The following SLC39A10 variants were observed in gnomAD, a reference collection of about 807,000 sequenced individuals.
SLC39A10 encodes solute carrier family 39 member 10.
In SLC39A10, 13 loss-of-function variants were observed where a neutral mutation model predicts 65.1. The ratio of observed to expected loss-of-function variants is 0.20; its 90% CI spans 0.13 to 0.32. SLC39A10 has a LOEUF of 0.32. Ranked by LOEUF, SLC39A10 falls within the 10% of genes least tolerant of loss-of-function variation. The pLI, the probability that SLC39A10 is intolerant of heterozygous loss-of-function variation, is 1.00. For synonymous variants in SLC39A10, 321 were observed against 342.2 expected, an observed-to-expected ratio of 0.94 and a Z score of 0.68; for missense variants, 831 against 1,018.4, an observed-to-expected ratio of 0.82 and a Z score of 2.50.
chr2:195,701,279 T>G (rs1032585213), intron 3 of SLC39A10, among the ~76,000 whole-genome samples: 3 of 151,548 alleles, frequency 2.0e-5, no homozygotes, highest in African/African-American at 7.3e-5. Context: ...TTGATTTATC[T>G]TTAGTTTTTC....
intron 1 of SLC39A10, among the ~76,000 whole-genome samples, chr2:195,663,048 T>G (rs1689468954): frequency 6.6e-6 from 1 of 152,210 alleles, no homozygotes; most frequent in Non-Finnish European, 1.5e-5. Context: ...CCTTCAACTG[T>G]TGGTTACCAC....
rs1491202105 is a variant in SLC39A10, at chr2:195,735,804, GAT to G, written c.*764_*765del. On this transcript the variant is annotated 3_prime_UTR_variant, in exon 10 of 10. Coordinates refer to ENST00000359634, the MANE Select transcript of SLC39A10 (RefSeq NM_020342.3). ...TTGTTTTTTACTTTAATTTTGTTTT[GAT>G]TTTTTTTTTTTTTTTTTGGCGGGGG... The G allele has an allele frequency of 2.0e-4, 17 of 85,168 alleles. No homozygotes were observed. Among genetic ancestry groups the G allele is most frequent in the Admixed American group, 1.4e-3 (13 of 8,988 alleles). 5.3% of individuals were successfully genotyped at this position (85,168 alleles called of 1,614,324 possible).
intron 1 of SLC39A10, among the ~76,000 whole-genome samples, chr2:195,665,604 T>A (rs558086844): frequency 6.6e-6 from 1 of 152,346 alleles, no homozygotes; most frequent in South Asian, 2.1e-4. Flanking sequence ...AACTTTTAGG[T>A]TTTTTTCAAA....
chr2:195,691,364 C>T (rs1322233864), intron 3 of SLC39A10, among the ~76,000 whole-genome samples: 1 of 151,862 alleles, frequency 6.6e-6, no homozygotes, highest in Non-Finnish European at 1.5e-5. Flanking sequence ...ACTTTTTTTC[C>T]CCTGGGTAGA....
intron 2 of SLC39A10, among the ~76,000 whole-genome samples, chr2:195,621,383 T>G (rs1688345395): frequency 6.6e-6 from 1 of 152,240 alleles, no homozygotes; most frequent in African/African-American, 2.4e-5. Flanking sequence ...AAGTGCATAT[T>G]TAGAATTGGA....
At chr2:195,698,310 T>C (rs1691048151) in intron 3 of SLC39A10, among the ~76,000 whole-genome samples, 1 of 152,142 alleles carries the variant, frequency 6.6e-6, no homozygotes, top group Non-Finnish European at 1.5e-5. Context: ...TTGGATGTTT[T>C]TAATTTTTTT....
intron 2 of SLC39A10, among the ~76,000 whole-genome samples, chr2:195,633,703 C>T (rs1371098335): frequency 7.1e-6 from 1 of 141,018 alleles, no homozygotes; most frequent in Non-Finnish European, 1.5e-5. Context: ...TATTCTTCCC[C>T]TGAAGTCCGG....
intron 2 of SLC39A10, among the ~76,000 whole-genome samples, chr2:195,616,056 A>G (rs1423109043): frequency 1.3e-5 from 2 of 152,128 alleles, no homozygotes; most frequent in Non-Finnish European, 2.9e-5. Context: ...CCTGGGTGCA[A>G]GCGATTCTCC....
chr2:195,643,107 C>T (rs1247097029), intron 2 of SLC39A10, among the ~76,000 whole-genome samples: 1 of 152,150 alleles, frequency 6.6e-6, no homozygotes, highest in African/African-American at 2.4e-5. Context: ...CACCATACCA[C>T]CAAATTTATC....
intron 8 of SLC39A10, among the ~76,000 whole-genome samples, chr2:195,722,710 T>C (rs1692090447): frequency 6.6e-6 from 1 of 152,228 alleles, no homozygotes; most frequent in South Asian, 2.1e-4. Flanking sequence ...GGTTAAGATG[T>C]TGACAAAGTA....
Position 195,706,599 on chromosome 2 carries a change from T to C in SLC39A10, c.1217-17T>C, listed in dbSNP as rs576788786. On this transcript the variant is annotated splice_polypyrimidine_tract_variant and intron_variant, in intron 3 of 9. Coordinates refer to ENST00000359634, the MANE Select transcript of SLC39A10 (RefSeq NM_020342.3). Reference sequence around the variant, plus strand: ...AAATTGTTATACTAATGTTGACTCTTAATTTCTTTTCTACAGCCTGGATTT... The same window carrying C: ...AAATTGTTATACTAATGTTGACTCTCAATTTCTTTTCTACAGCCTGGATTT... 5.0e-6 allele frequency: 8 copies of C among 1,606,730 alleles called. No homozygotes were observed. The South Asian group carries it at 8.9e-5, about 18-fold the overall frequency.
intron 8 of SLC39A10, among the ~76,000 whole-genome samples, chr2:195,721,616 A>G (rs895575834): frequency 6.6e-6 from 1 of 152,002 alleles, no homozygotes; most frequent in Admixed American, 6.5e-5. Context: ...TTCTCTAACT[A>G]TCACATACTG....
At chr2:195,721,441 T>A (rs1416828880) in intron 8 of SLC39A10, among the ~76,000 whole-genome samples, 2 of 152,220 alleles carry the variant, frequency 1.3e-5, no homozygotes, top group Non-Finnish European at 2.9e-5. Flanking sequence ...GTTTATCATG[T>A]TAAGAATCTT....
chr2:195,722,479 C>G (rs1003357396), intron 8 of SLC39A10, among the ~76,000 whole-genome samples: 2 of 152,116 alleles, frequency 1.3e-5, no homozygotes, highest in Non-Finnish European at 2.9e-5. Flanking sequence ...CTAGTTTTTG[C>G]CTTAAGGCAC....
At chr2:195,615,063 C>CA (rs371270698) in intron 2 of SLC39A10, among the ~76,000 whole-genome samples, 1 of 151,508 alleles carries the variant, frequency 6.6e-6, no homozygotes, top group Non-Finnish European at 1.5e-5. Context: ...CAAAAAGCAA[C>CA]AAAAAAAGGG....
intron 2 of SLC39A10, among the ~76,000 whole-genome samples, chr2:195,617,778 C>T (rs1688252469): frequency 9.0e-6 from 1 of 110,746 alleles, no homozygotes; most frequent in African/African-American, 3.3e-5. Flanking sequence ...GTCTCACTGT[C>T]TACCAGGCTG....
At chr2:195,667,902 A>T (rs900730835) in intron 1 of SLC39A10, among the ~76,000 whole-genome samples, 3 of 152,244 alleles carry the variant, frequency 2.0e-5, no homozygotes, top group African/African-American at 7.2e-5. Flanking sequence ...ATGTAGGAAA[A>T]TTAACAAATA....
intron 3 of SLC39A10, among the ~76,000 whole-genome samples, chr2:195,684,654 G>T (rs1198798604): frequency 2.7e-5 from 4 of 150,400 alleles, no homozygotes. Flanking sequence ...TCTATAATCA[G>T]GTATGAAGTC....
intron 2 of SLC39A10, among the ~76,000 whole-genome samples, chr2:195,632,854 A>C (rs1412899314): frequency 6.6e-6 from 1 of 152,230 alleles, no homozygotes; most frequent in Non-Finnish European, 1.5e-5. Flanking sequence ...GTTTGAGTTT[A>C]AAACATCTTT....
Sources: allele counts gnomAD v4.1 joint callset (sites outside exome capture counted in the v4.1 genomes callset), GRCh38; gene constraint gnomAD v4.1.1; transcripts MANE v1.5; gene names NCBI Gene and HGNC (gene_info 2026-07-23, HGNC 2026-07-21).